The following LANCL2 variants were observed in gnomAD, a reference collection of about 807,000 sequenced individuals.
LANCL2 encodes the protein LanC like glutathione S-transferase 2, also known as lanC-like protein 2.
LANCL2 carries 33 observed loss-of-function variants against 56.9 expected under a neutral mutation model. The ratio of observed to expected loss-of-function variants is 0.58; its 90% CI spans 0.44 to 0.78. LANCL2 has a LOEUF of 0.78. Ranked by LOEUF, LANCL2 falls within the 30% of genes least tolerant of loss-of-function variation. LANCL2 has a pLI of 0.00. For synonymous variants in LANCL2, 233 were observed against 228.2 expected, an observed-to-expected ratio of 1.02 and a Z score of -0.19; for missense variants, 562 against 580.2, an observed-to-expected ratio of 0.97 and a Z score of 0.32.
At chr7:55,381,419 A>G (rs1048445864) in intron 1 of LANCL2, among the ~76,000 whole-genome samples, 5 of 152,240 alleles carry the variant, frequency 3.3e-5, no homozygotes, top group African/African-American at 7.2e-5. Flanking sequence ...TACGTATCCA[A>G]TCAAATTCTG....
At chr7:55,385,346 GTGACAGGCCAGTGGAAGAGAAGC>G (rs1426764129) in intron 1 of LANCL2, among the ~76,000 whole-genome samples, 13 of 152,180 alleles carry the variant, frequency 8.5e-5, no homozygotes, top group Admixed American at 8.5e-4. Context: ...TTGCAAGGAG[GTGACAGGCCAGTGGAAGAGAAGC>G]TGACTGTATC....
At chr7:55,403,206 C>T (rs545946770) in intron 5 of LANCL2, among the ~76,000 whole-genome samples, 15 of 152,386 alleles carry the variant, frequency 9.8e-5, no homozygotes, top group African/African-American at 2.6e-4. Context: ...CTCGGGAGGC[C>T]GAGGCTGGCG....
chr7:55,405,935 C>A (rs1056158823), intron 5 of LANCL2, among the ~76,000 whole-genome samples: 6 of 152,138 alleles, frequency 3.9e-5, no homozygotes, highest in African/African-American at 1.4e-4. Flanking sequence ...CTCTTCCCTG[C>A]TGCACGGTTC....
At chr7:55,427,682 T>C (rs892261740) in intron 7 of LANCL2, among the ~76,000 whole-genome samples, 4 of 152,202 alleles carry the variant, frequency 2.6e-5, no homozygotes, top group African/African-American at 9.7e-5. Context: ...TGAGTTTCTT[T>C]TTACGTGTGC....
intron 1 of LANCL2, among the ~76,000 whole-genome samples, chr7:55,371,014 A>G (rs1183679601): frequency 2.0e-5 from 3 of 152,242 alleles, no homozygotes; most frequent in African/African-American, 7.2e-5. Context: ...ATAATTACCC[A>G]TTGTTTTTTC....
intron 2 of LANCL2, among the ~76,000 whole-genome samples, chr7:55,395,365 C>A (rs995675425): frequency 6.6e-6 from 1 of 151,622 alleles, no homozygotes. Context: ...GTTCACAAAG[C>A]GGAGGTAAAG....
chr7:55,398,017 A>T (rs1228295230), intron 2 of LANCL2, among the ~76,000 whole-genome samples: 2 of 152,366 alleles, frequency 1.3e-5, no homozygotes, highest in East Asian at 3.9e-4. Flanking sequence ...TTGGGATAAC[A>T]TAGGAGAAAT....
rs142398130 is a variant in LANCL2, at chr7:55,384,716, C to T, written c.205-7077C>T. On this transcript the variant is annotated intron_variant, in intron 1 of 8. Transcript: ENST00000254770. ...CATTATATATAGGGAATTTTACTGA[C>T]GGCTGATTTTTCGTTAGAAATCATG... Among the ~76,000 whole-genome samples the T allele has an allele frequency of 4.4e-4, 67 of 152,094 alleles. No homozygotes were observed. The East Asian group carries it at 8.5e-3, about 19-fold the overall frequency.
intron 1 of LANCL2, among the ~76,000 whole-genome samples, chr7:55,372,038 C>T (rs1789949414): frequency 6.6e-6 from 1 of 152,158 alleles, no homozygotes; most frequent in Non-Finnish European, 1.5e-5. Flanking sequence ...CCACTCCAAA[C>T]CCAAGGAACC....
intron 6 of LANCL2, among the ~76,000 whole-genome samples, chr7:55,423,079 A>G (rs1204447972): frequency 1.3e-5 from 2 of 152,268 alleles, no homozygotes; most frequent in Non-Finnish European, 2.9e-5. Context: ...GTGGATAAGT[A>G]CATGGATTTT....
intron 6 of LANCL2, 122 bp downstream of exon 6, chr7:55,412,211 T>C: frequency 1.1e-6 from 1 of 869,782 alleles, no homozygotes. Flanking sequence ...GAATGATTGT[T>C]TTTACAAAAT....
At position 55,396,519 on chromosome 7, in the gene LANCL2, G is replaced by C. The variant is rs1448471328; in HGVS notation, c.323-1904G>C. Among the ~76,000 whole-genome samples the C allele has an allele frequency of 2.0e-5, 3 of 152,346 alleles. No homozygotes were observed. In the South Asian group the frequency reaches 6.2e-4, roughly 32 times the overall value. The stretch of plus-strand genomic sequence containing the variant: ...TCTGCTGGCCATCCTGGCCAACTGA[G>C]GGCGTGGGGATGGGAGGCACTGGTG... On this transcript the variant is annotated intron_variant, in intron 2 of 8. Transcript: ENST00000254770.
intron 5 of LANCL2, among the ~76,000 whole-genome samples, chr7:55,410,764 TTGTG>T (rs1790461514): frequency 6.6e-6 from 1 of 152,074 alleles, no homozygotes; most frequent in East Asian, 1.9e-4. Flanking sequence ...CCTAAGACGT[TTGTG>T]TGGTGCTAAC....
chr7:55,388,629 T>C (rs1213862212), intron 1 of LANCL2, among the ~76,000 whole-genome samples: 1 of 152,242 alleles, frequency 6.6e-6, no homozygotes, highest in Non-Finnish European at 1.5e-5. Context: ...CCAGTCCCTT[T>C]ACTACTTTCC....
intron 5 of LANCL2, among the ~76,000 whole-genome samples, chr7:55,403,251 G>A (rs1790363259): frequency 6.6e-6 from 1 of 152,268 alleles, no homozygotes; most frequent in Non-Finnish European, 1.5e-5. Context: ...GACCAGCCTG[G>A]CCAACACAGC....
At chr7:55,410,854 A>G (rs911917356) in intron 5 of LANCL2, among the ~76,000 whole-genome samples, 1 of 152,140 alleles carries the variant, frequency 6.6e-6, no homozygotes, top group South Asian at 2.1e-4. Flanking sequence ...TGTCACTCTA[A>G]GGATGTCATG....
At chr7:55,382,804 G>A (rs1355668743) in intron 1 of LANCL2, among the ~76,000 whole-genome samples, 1 of 152,162 alleles carries the variant, frequency 6.6e-6, no homozygotes, top group Non-Finnish European at 1.5e-5. Flanking sequence ...CAATTGGGGA[G>A]GTTTGGAATC....
chr7:55,416,666 C>T (rs1562868445), intron 6 of LANCL2, among the ~76,000 whole-genome samples: 2 of 151,966 alleles, frequency 1.3e-5, no homozygotes, highest in African/African-American at 4.8e-5. Flanking sequence ...TTTATATGTT[C>T]TGGTTAAAGT....
chr7:55,378,440 G>A (rs576482492), intron 1 of LANCL2, among the ~76,000 whole-genome samples: 2 of 152,162 alleles, frequency 1.3e-5, no homozygotes, highest in Admixed American at 6.5e-5. Context: ...TAGTCTGGGC[G>A]ACAGAGTGAG....
Sources: allele counts gnomAD v4.1 joint callset (sites outside exome capture counted in the v4.1 genomes callset), GRCh38; gene constraint gnomAD v4.1.1; transcripts MANE v1.5; gene names NCBI Gene and HGNC (gene_info 2026-07-23, HGNC 2026-07-21).